The following NLRP2 variants were observed in gnomAD, a reference collection of about 807,000 sequenced individuals.
The protein encoded by NLRP2 is NLR family pyrin domain containing 2, also known as NACHT, LRR and PYD domains-containing protein 2.
Under a neutral mutation model 97.2 loss-of-function variants are expected in NLRP2, and 107 were observed. That is an observed-to-expected ratio of 1.10 (90% confidence interval 0.94 to 1.29). The LOEUF (loss-of-function observed/expected upper bound fraction) is 1.29, where lower values mean the gene tolerates loss of function less well. Ranked by LOEUF, NLRP2 falls within the 50% of genes most tolerant of loss-of-function variation. The pLI is 0.00. For missense variants in NLRP2, 1,495 were observed against 1,330.3 expected (o/e 1.12, Z -1.93); for synonymous variants, 663 against 551.5 (o/e 1.20, Z -2.83).
intron 10 of NLRP2, 31 bp downstream of exon 10, chr19:54,990,703 G>C (rs777483534): frequency 2.5e-6 from 4 of 1,609,118 alleles, no homozygotes; most frequent in Non-Finnish European, 3.4e-6. Context: ...TGTGTGCGTG[G>C]GTGTATATGC....
intron 3 of NLRP2, 21 bp from the exon 4 acceptor site, chr19:54,977,731 A>G (rs1487954469): frequency 1.2e-6 from 2 of 1,613,356 alleles, no homozygotes; most frequent in African/African-American, 1.3e-5. Flanking sequence ...ACAGGCCTGT[A>G]ATGCCGCCCT....
chr19:54,977,823 G>GGTGGGT lies in NLRP2; in HGVS notation c.397+3_397+8dup. 1 of 1,613,568 alleles carries GGTGGGT rather than the reference G, an allele frequency of 6.2e-7. No homozygotes were observed. Among genetic ancestry groups the GGTGGGT allele is most frequent in the Non-Finnish European group, 8.5e-7 (1 of 1,179,962 alleles). The stretch of plus-strand genomic sequence containing the variant: ...GGAGCGCTTCAAAACAGAAGCACAA[G>GGTGGGT]GTGGGTGTCAGGACCTCCAATGTTG... On this transcript the variant is annotated protein_altering_variant and splice_region_variant. Coordinates refer to ENST00000448584, the MANE Select transcript of NLRP2 (RefSeq NM_017852.5).
intron 2 of NLRP2, among the ~76,000 whole-genome samples, chr19:54,973,309 A>G (rs1248173864): frequency 1.4e-5 from 2 of 146,894 alleles, no homozygotes; most frequent in African/African-American, 5.1e-5. Flanking sequence ...ATCACTTTTT[A>G]GCATAATGTT....
chr19:54,976,810 C>CTTTTTTT (rs749684265), intron 3 of NLRP2: 27,715 of 309,032 alleles, frequency 0.09, 5,018 homozygotes, highest in Non-Finnish European at 0.12. Context: ...CTTGTTCTCT[C>CTTTTTTT]TCTTTTTTTT....
At chr19:54,995,661 A>G (rs916238768) in intron 11 of NLRP2, among the ~76,000 whole-genome samples, 12 of 152,070 alleles carry the variant, frequency 7.9e-5, no homozygotes, top group Non-Finnish European at 1.6e-4. Context: ...GAGTGGTCTC[A>G]ACTTGGCTAT....
At position 54,989,832 on chromosome 19, in the gene NLRP2, A is replaced by G. The variant is rs202024438; in HGVS notation, c.2367-190A>G. On this transcript the variant is annotated intron_variant, in intron 8 of 12. Coordinates refer to ENST00000448584, the MANE Select transcript of NLRP2 (RefSeq NM_017852.5). ...GACCCCCACCTCTACTGAAAATACA[A>G]AATTAGCTGGGCATGTTGGTGCATG... 147 of 635,548 alleles carry G rather than the reference A, an allele frequency of 2.3e-4. No homozygotes were observed. In the East Asian group the frequency reaches 3.9e-3, roughly 17 times the overall value. 39.4% of individuals were successfully genotyped at this position (635,548 alleles called of 1,614,324 possible).
intron 1 of NLRP2, among the ~76,000 whole-genome samples, chr19:54,967,147 AG>A (rs1356540447): frequency 3.3e-5 from 5 of 149,408 alleles, no homozygotes; most frequent in African/African-American, 1.2e-4. Flanking sequence ...GATTATAGGC[AG>A]GTGCCACCGC....
At position 54,969,995 on chromosome 19, in the gene NLRP2, A is replaced by G; in HGVS notation, c.-17-4A>G. On this transcript the variant is annotated splice_polypyrimidine_tract_variant and splice_region_variant and intron_variant, in intron 1 of 12. Coordinates refer to ENST00000448584, the MANE Select transcript of NLRP2 (RefSeq NM_017852.5). Reference sequence around the variant, plus strand: ...CTCCACTCCTCCCTTGATTGTCATCACAGCTCCCACGTGGGACAAGATGGT... The same window carrying G: ...CTCCACTCCTCCCTTGATTGTCATCGCAGCTCCCACGTGGGACAAGATGGT... 1.2e-6 allele frequency: 2 copies of G among 1,612,528 alleles called. No homozygotes were observed. Among genetic ancestry groups the G allele is most frequent in the Non-Finnish European group, 1.7e-6 (2 of 1,179,856 alleles).
intron 2 of NLRP2, among the ~76,000 whole-genome samples, chr19:54,972,690 C>T (rs530288679): frequency 6.6e-6 from 1 of 152,176 alleles, no homozygotes; most frequent in East Asian, 1.9e-4. Flanking sequence ...CTTCTGTGGG[C>T]TCAACCGATC....
chr19:54,975,869 G>A (rs566581946), intron 3 of NLRP2, among the ~76,000 whole-genome samples: 65 of 152,178 alleles, frequency 4.3e-4, no homozygotes, highest in East Asian at 5.8e-4. Context: ...TCTTACCTCA[G>A]CCTCCTGAGT....
rs2071340940 is a variant in NLRP2, at chr19:54,977,814, G to A, written c.388G>A (p.Glu130Lys). The change falls in exon 4 of 13, where the codon GAA becomes AAA. Residue 130 changes from glutamate (E) to lysine (K), a missense_variant. Physicochemically the swap from Glu to Lys is moderately conservative, Grantham distance 56 (BLOSUM62 1). Coordinates refer to ENST00000448584, the MANE Select transcript of NLRP2 (RefSeq NM_017852.5). ...VDEMLERFKT[E>K]AQAFTETKGN... ...CGAAATGCTGGAGCGCTTCAAAACA[G>A]AAGCACAAGGTGGGTGTCAGGACCT... is the stretch of plus-strand genomic sequence containing the variant. 1 of 1,613,604 alleles carries A rather than the reference G, an allele frequency of 6.2e-7. No homozygotes were observed. The highest frequency in any genetic ancestry group is 1.7e-5 in the Admixed American group (1 of 59,950).
In NLRP2 at chr19:54,970,108, G is replaced by A. The variant is rs745973886; in HGVS notation, c.93G>A (p.Thr31=). ...TGAGCAAGTTCAAGTATCTGATCACGACCTTCTCCCTGGCACACGAGCTCC... is the reference window on the plus strand; with the variant it reads ...TGAGCAAGTTCAAGTATCTGATCACAACCTTCTCCCTGGCACACGAGCTCC... ...DELSKFKYLI[T]TFSLAHELQK... Residue 31 remains threonine, a synonymous_variant, in exon 2 of 13, where the codon ACG becomes ACA. Transcript: ENST00000448584. 2.0e-5 allele frequency: 32 copies of A among 1,613,962 alleles called. No individual in the cohort carries two copies. Among genetic ancestry groups the A allele is most frequent in the South Asian group, 3.3e-5 (3 of 91,084 alleles).
intron 12 of NLRP2, among the ~76,000 whole-genome samples, chr19:54,998,611 C>CTTTTTTTTTTTTTTTTTTTCTTTTTTTTT (rs375510249): frequency 2.4e-5 from 1 of 42,196 alleles, no homozygotes; most frequent in Non-Finnish European, 4.6e-5. Context: ...CATCTTTTTT[C>CTTTTTTTTTTTTTTTTTTTCTTTTTTTTT]TTTTTTTTTT....
intron 6 of NLRP2, among the ~76,000 whole-genome samples, chr19:54,984,329 G>GTGTGTTTTTTTTTTTGTTTTTT: frequency 2.5e-5 from 2 of 79,670 alleles, no homozygotes; most frequent in Non-Finnish European, 2.5e-5. Flanking sequence ...TTTTTTTTGT[G>GTGTGTTTTTTTTTTTGTTTTTT]TTTTTTTTTT....
At chr19:54,999,042 A>ACCCCCCCAACCTCCCTGCCGGACG (rs1337867779) in intron 12 of NLRP2, among the ~76,000 whole-genome samples, 1 of 136,102 alleles carries the variant, frequency 7.3e-6, no homozygotes, top group Non-Finnish European at 1.6e-5. Context: ...CCTCCCGGAC[A>ACCCCCCCAACCTCCCTGCCGGACG]GGGCGGCTGG....
chr19:54,974,340 C>A, intron 2 of NLRP2, 160 bp from the exon 3 acceptor site: 1 of 704,506 alleles, frequency 1.4e-6, no homozygotes, highest in Non-Finnish European at 2.5e-6. Context: ...CAGAGTGACA[C>A]TCTGTCTCAA....
At chr19:54,998,611 CTTTTTTTTTTTTTTTTTTCCTTTTTTTTT>C (rs1464777240) in intron 12 of NLRP2, among the ~76,000 whole-genome samples, 3 of 42,198 alleles carry the variant, frequency 7.1e-5, no homozygotes, top group Non-Finnish European at 1.4e-4. Flanking sequence ...CATCTTTTTT[CTTTTTTTTTTTTTTTTTTCCTTTTTTTTT>C]TTTTTTTTTT....
rs1423903872 is a variant in NLRP2 at position 54,982,507 on chromosome 19, A to C, written c.809A>C (p.Gln270Pro). ...GTCTTCAGGGACTGGCCTGAATTGC[A>C]GGATGACATTCCACACATCCTAGCC... ...ELVFRDWPEL[Q>P]DDIPHILAQA... The change falls in exon 6 of 13, where the codon CAG (glutamine) becomes CCG (proline). Residue 270 changes from glutamine (Q) to proline (P), a missense_variant. Gln to Pro is a moderately conservative substitution (Grantham distance 76, BLOSUM62 -1). Coordinates refer to ENST00000448584, the MANE Select transcript of NLRP2 (RefSeq NM_017852.5). 6.2e-7 allele frequency: 1 copy of C among 1,614,210 alleles called. No homozygotes were observed. The highest frequency in any genetic ancestry group is 8.5e-7 in the Non-Finnish European group (1 of 1,180,030).
chr19:54,982,613 C>T lies in NLRP2; in HGVS notation c.915C>T (p.Cys305=), dbSNP rs370946962. The T allele has an allele frequency of 3.7e-6, 6 of 1,614,106 alleles. No individual in the cohort carries two copies. Among genetic ancestry groups the T allele is most frequent in the East Asian group, 2.2e-5 (1 of 44,868 alleles). Residue 305 remains cysteine (C), a synonymous_variant, in exon 6 of 13, where the codon TGC becomes TGT. Transcript: ENST00000448584. The part of the protein sequence containing the change: ...AAPGALIEDI[C]GDWEKKKPVP... The stretch of plus-strand genomic sequence containing the variant: ...CTGGGGCGCTGATCGAGGACATCTG[C>T]GGGGACTGGGAGAAGAAGAAGCCGG...
Sources: gnomAD v4.1 joint callset for allele counts (sites outside exome capture counted in the v4.1 genomes callset) on GRCh38, gnomAD v4.1.1 for gene constraint, MANE v1.5 for transcripts, NCBI Gene and HGNC (gene_info 2026-07-23, HGNC 2026-07-21) for gene names.